CDK14: variants seen among roughly 807,000 people sequenced by gnomAD.
CDK14 encodes the protein cyclin-dependent kinase 14.
A neutral mutation model predicts 60.7 loss-of-function variants in CDK14; 34 were observed. The ratio of observed to expected loss-of-function variants is 0.56; its 90% CI spans 0.43 to 0.75. The LOEUF (loss-of-function observed/expected upper bound fraction) is 0.75, where lower values mean the gene tolerates loss of function less well. Among genes scored for constraint, CDK14 ranks in the 30% least tolerant of loss-of-function variants. The probability of loss-of-function intolerance (pLI) is 0.00; values close to 1 mark genes in which losing one functional copy is unlikely to be tolerated. For synonymous variants in CDK14, 197 were observed against 203.7 expected, an observed-to-expected ratio of 0.97 and a Z score of 0.28; for missense variants, 482 against 564.1, an observed-to-expected ratio of 0.85 and a Z score of 1.47.
chr7:91,188,475 T>C (rs1052095880), intron 14 of CDK14, among the ~76,000 whole-genome samples: 5 of 152,160 alleles, frequency 3.3e-5, no homozygotes, highest in African/African-American at 9.7e-5. Context: ...TTGTCAACTT[T>C]TTCCCCTGGA....
chr7:90,842,207 A>G (rs1315849484), intron 5 of CDK14, among the ~76,000 whole-genome samples: 1 of 152,324 alleles, frequency 6.6e-6, no homozygotes, highest in African/African-American at 2.4e-5. Context: ...TTTTCTTACA[A>G]GATGCTATTT....
At chr7:90,775,459 T>C (rs1391509080) in intron 4 of CDK14, among the ~76,000 whole-genome samples, 1 of 151,496 alleles carries the variant, frequency 6.6e-6, no homozygotes, top group Non-Finnish European at 1.5e-5. Flanking sequence ...AAAAAAAAGC[T>C]ACTACAGATA....
chr7:90,610,146 C>G (rs1343513775), intron 2 of CDK14, among the ~76,000 whole-genome samples: 1 of 152,158 alleles, frequency 6.6e-6, no homozygotes, highest in Non-Finnish European at 1.5e-5. Context: ...AGTCCATAAC[C>G]CATTCTCCCC....
intron 6 of CDK14, among the ~76,000 whole-genome samples, chr7:90,874,678 G>A (rs558787212): frequency 1.8e-3 from 268 of 149,952 alleles, no homozygotes; most frequent in Non-Finnish European, 3.2e-3. Flanking sequence ...ACAGGCGCCC[G>A]CCACCGTGCC....
At chr7:90,784,899 A>G (rs1805509006) in intron 4 of CDK14, among the ~76,000 whole-genome samples, 1 of 152,242 alleles carries the variant, frequency 6.6e-6, no homozygotes, top group South Asian at 2.1e-4. Context: ...GAGGGAATTA[A>G]TAAATGAAAC....
At chr7:90,653,318 T>A (rs1232714821) in intron 2 of CDK14, among the ~76,000 whole-genome samples, 1 of 152,130 alleles carries the variant, frequency 6.6e-6, no homozygotes, top group African/African-American at 2.4e-5. Context: ...GTTACTAATA[T>A]TGGAATTACC....
chr7:90,861,749 T>C (rs1240592669), intron 5 of CDK14, among the ~76,000 whole-genome samples: 1 of 152,054 alleles, frequency 6.6e-6, no homozygotes, highest in African/African-American at 2.4e-5. Context: ...CTGTAAAAAG[T>C]ACATAGAAGA....
chr7:90,667,248 T>C (rs1801000214), intron 2 of CDK14, among the ~76,000 whole-genome samples: 1 of 152,208 alleles, frequency 6.6e-6, no homozygotes, highest in Admixed American at 6.5e-5. Context: ...ATTATAGCAA[T>C]TCCTTGGCTA....
chr7:90,754,024 G>A (rs1191180062), intron 4 of CDK14, among the ~76,000 whole-genome samples: 2 of 152,178 alleles, frequency 1.3e-5, no homozygotes, highest in African/African-American at 4.8e-5. Flanking sequence ...TGGATTGGAA[G>A]AATCAATATT....
At chr7:91,033,776 G>A (rs190863164) in intron 10 of CDK14, among the ~76,000 whole-genome samples, 11 of 152,312 alleles carry the variant, frequency 7.2e-5, no homozygotes, top group South Asian at 2.1e-4. Context: ...GCACGTGCAC[G>A]TACATTTCCA....
intron 9 of CDK14, among the ~76,000 whole-genome samples, chr7:90,974,656 T>G (rs1453337637): frequency 6.6e-6 from 1 of 152,196 alleles, no homozygotes; most frequent in Non-Finnish European, 1.5e-5. Context: ...TTATTCTGCT[T>G]CCTCATGTGA....
In CDK14 at chr7:90,688,703, G is replaced by C. The variant is rs1801492305; in HGVS notation, c.124-37864G>C. ...TGTAATAAAAGCTGTCATACTTAGT[G>C]ACCTAGTGGGAGAATGTCCCAAAAC... On this transcript the variant is annotated intron_variant, in intron 2 of 14. Transcript: ENST00000380050. Among the ~76,000 whole-genome samples, 4 of 152,228 alleles carry C rather than the reference G, an allele frequency of 2.6e-5. No individual in the cohort carries two copies. In the South Asian group the frequency reaches 8.3e-4, roughly 32 times the overall value.
At chr7:90,634,448 C>CA (rs1428017315) in intron 2 of CDK14, among the ~76,000 whole-genome samples, 4 of 151,776 alleles carry the variant, frequency 2.6e-5, no homozygotes, top group African/African-American at 9.7e-5. Context: ...CATGTCCCTA[C>CA]AAAGGACATG....
intron 6 of CDK14, among the ~76,000 whole-genome samples, chr7:90,881,157 G>T (rs1224506906): frequency 6.6e-6 from 1 of 152,076 alleles, no homozygotes; most frequent in African/African-American, 2.4e-5. Context: ...AACTAAAGGA[G>T]CATATTCTAA....
chr7:90,727,067 G>C (rs1232013761), intron 3 of CDK14, among the ~76,000 whole-genome samples: 1 of 152,104 alleles, frequency 6.6e-6, no homozygotes, highest in African/African-American at 2.4e-5. Context: ...ATTGTTTCTA[G>C]TTAGAGGAAT....
intron 10 of CDK14, among the ~76,000 whole-genome samples, chr7:91,013,656 G>GGTTTTTTTTTTTTTTTTTTTTTTTTTTT (rs1562868451): frequency 8.1e-6 from 1 of 123,384 alleles, no homozygotes. Context: ...CATTGCCTCT[G>GGTTTTTTTTTTTTTTTTTTTTTTTTTTT]TTTTTTTTTT....
At chr7:91,153,269 G>A (rs993149348) in intron 14 of CDK14, among the ~76,000 whole-genome samples, 2 of 152,212 alleles carry the variant, frequency 1.3e-5, no homozygotes, top group African/African-American at 4.8e-5. Flanking sequence ...GGAAAAGAAG[G>A]AATGCTTGTA....
chr7:90,949,831 T>C (rs578073785), intron 8 of CDK14, among the ~76,000 whole-genome samples: 1 of 152,292 alleles, frequency 6.6e-6, no homozygotes, highest in African/African-American at 2.4e-5. Context: ...TTGAAACTAC[T>C]TTTCCACCTT....
chr7:90,652,515 A>G (rs781367403), intron 2 of CDK14, among the ~76,000 whole-genome samples: 1 of 152,212 alleles, frequency 6.6e-6, no homozygotes, highest in Non-Finnish European at 1.5e-5. Context: ...ATAGCAAAGG[A>G]GTAAAATGAC....
Sources: allele counts gnomAD v4.1 joint callset (sites outside exome capture counted in the v4.1 genomes callset), GRCh38; gene constraint gnomAD v4.1.1; transcripts MANE v1.5; gene names NCBI Gene and HGNC (gene_info 2026-07-23, HGNC 2026-07-21).